The following CMKLR1 variants were observed in gnomAD, a reference collection of about 807,000 sequenced individuals.
CMKLR1 encodes chemerin chemokine-like receptor 1.
Under a neutral mutation model 8.2 loss-of-function variants are expected in CMKLR1, and 6 were observed. The ratio of observed to expected loss-of-function variants is 0.73; its 90% CI spans 0.40 to 1.44. The LOEUF (loss-of-function observed/expected upper bound fraction) is 1.44. Ranked by LOEUF, CMKLR1 falls within the 40% of genes most tolerant of loss-of-function variation. CMKLR1 has a pLI of 0.02. For synonymous variants in CMKLR1, 178 were observed against 181.2 expected (o/e 0.98, Z 0.14); for missense variants, 429 against 478.0 (o/e 0.90, Z 0.96).
intron 2 of CMKLR1, among the ~76,000 whole-genome samples, chr12:108,310,698 G>A (rs1485243346): frequency 6.6e-6 from 1 of 152,168 alleles, no homozygotes; most frequent in East Asian, 1.9e-4. Flanking sequence ...AGGTCACAGA[G>A]AAGGGCCCAT....
At chr12:108,329,779 G>C (rs1465123811) in intron 2 of CMKLR1, among the ~76,000 whole-genome samples, 1 of 152,206 alleles carries the variant, frequency 6.6e-6, no homozygotes, top group Non-Finnish European at 1.5e-5. Context: ...CTAGCACACA[G>C]TTAGTGCTCA....
intron 2 of CMKLR1, among the ~76,000 whole-genome samples, chr12:108,312,331 T>A (rs931256075): frequency 2.0e-5 from 3 of 152,186 alleles, no homozygotes; most frequent in African/African-American, 7.2e-5. Context: ...GCCCCTTTCA[T>A]CACAAGACTG....
intron 2 of CMKLR1, among the ~76,000 whole-genome samples, chr12:108,297,181 C>T (rs1416562617): frequency 6.6e-6 from 1 of 152,202 alleles, no homozygotes; most frequent in Non-Finnish European, 1.5e-5. Flanking sequence ...CCTCAGCCTA[C>T]TCAACATGAA....
chr12:108,293,792 G>C, intron 2 of CMKLR1, 128 bp from the exon 3 acceptor site: 16 of 617,370 alleles, frequency 2.6e-5, no homozygotes, highest in East Asian at 1.1e-4. Context: ...GGAAGCAGAA[G>C]TTCAGAAAGG....
At chr12:108,295,889 G>A (rs962183674) in intron 2 of CMKLR1, among the ~76,000 whole-genome samples, 3 of 152,198 alleles carry the variant, frequency 2.0e-5, no homozygotes, top group Admixed American at 6.5e-5. Context: ...CAGAGGCCAT[G>A]TTTTTTCATC....
Position 108,309,795 on chromosome 12 carries a change from G to A in CMKLR1, c.-73-16131C>T, listed in dbSNP as rs540853219. Among the ~76,000 whole-genome samples, 13 of 152,316 alleles carry A rather than the reference G, an allele frequency of 8.5e-5. No homozygotes were observed. The South Asian group carries it at 2.3e-3, about 27-fold the overall frequency. Reference sequence around the variant, plus strand: ...TGTTCCCTGGGGTAATAAGCCAGTTGCAATTTGCCATTGAGTTTGTCCAGG... The same window carrying A: ...TGTTCCCTGGGGTAATAAGCCAGTTACAATTTGCCATTGAGTTTGTCCAGG... On this transcript the variant is annotated intron_variant, in intron 2 of 3. Transcript: ENST00000550402.
At chr12:108,310,493 C>A (rs528205283) in intron 2 of CMKLR1, among the ~76,000 whole-genome samples, 1 of 152,126 alleles carries the variant, frequency 6.6e-6, no homozygotes, top group African/African-American at 2.4e-5. Context: ...AGGCTCCAGG[C>A]ATCAGGATGT....
intron 2 of CMKLR1, among the ~76,000 whole-genome samples, chr12:108,311,633 G>C (rs778201786): frequency 1.2e-4 from 19 of 152,120 alleles, no homozygotes; most frequent in Middle Eastern, 3.4e-3. Flanking sequence ...CTCCTAAAAA[G>C]AAAAAAAGTG....
chr12:108,298,954 C>G (rs1271026992), intron 2 of CMKLR1, among the ~76,000 whole-genome samples: 1 of 152,220 alleles, frequency 6.6e-6, no homozygotes, highest in Non-Finnish European at 1.5e-5. Flanking sequence ...AGCACAAGGT[C>G]CACGTGTGGG....
At chr12:108,317,681 A>G (rs1891766010) in intron 2 of CMKLR1, among the ~76,000 whole-genome samples, 1 of 152,252 alleles carries the variant, frequency 6.6e-6, no homozygotes, top group Admixed American at 6.5e-5. Flanking sequence ...TATTCACATA[A>G]TAACACTGTT....
At chr12:108,312,311 G>A (rs1028994150) in intron 2 of CMKLR1, among the ~76,000 whole-genome samples, 2 of 152,188 alleles carry the variant, frequency 1.3e-5, no homozygotes, top group Admixed American at 6.5e-5. Context: ...CATCGTGGAT[G>A]GGCTGACAGG....
chr12:108,319,811 ACCT>A (rs1891817308), intron 2 of CMKLR1, among the ~76,000 whole-genome samples: 1 of 151,956 alleles, frequency 6.6e-6, no homozygotes, highest in Admixed American at 6.6e-5. Context: ...CAAAACAAAA[ACCT>A]CCTCTCAGAA....
intron 2 of CMKLR1, among the ~76,000 whole-genome samples, chr12:108,301,105 C>T (rs1462434377): frequency 8.2e-6 from 1 of 121,346 alleles, no homozygotes; most frequent in African/African-American, 3.1e-5. Flanking sequence ...GAGACGAAGT[C>T]TCACTCTGTT....
intron 2 of CMKLR1, among the ~76,000 whole-genome samples, chr12:108,317,463 AG>A (rs1393198741): frequency 6.6e-6 from 1 of 152,132 alleles, no homozygotes; most frequent in East Asian, 1.9e-4. Flanking sequence ...TGGACACTGG[AG>A]GGAGGGGTGG....
In CMKLR1 at chr12:108,292,780, C is replaced by T. The variant is rs1442468312; in HGVS notation, c.183G>A (p.Val61=). The T allele has an allele frequency of 1.2e-6, 2 of 1,614,156 alleles. No individual in the cohort carries two copies. The highest frequency in any genetic ancestry group is 2.2e-5 in the East Asian group (1 of 44,884). The change falls in exon 4 of 4, where the codon GTG becomes GTA. Residue 61 remains valine (V), a synonymous_variant. Transcript: ENST00000550402. ...TCATCTTGAAGGTGGCAATGATGAT[C>T]ACCAGACCATTGCCCAGAATCCCGA... ...CFLGILGNGL[V]IIIATFKMKK...
At chr12:108,320,073 G>A (rs903981970) in intron 2 of CMKLR1, among the ~76,000 whole-genome samples, 1 of 152,242 alleles carries the variant, frequency 6.6e-6, no homozygotes, top group South Asian at 2.1e-4. Flanking sequence ...TGCCAAGTCA[G>A]GGAAGGCTGC....
At chr12:108,327,899 C>G (rs1326027106) in intron 2 of CMKLR1, among the ~76,000 whole-genome samples, 1 of 152,172 alleles carries the variant, frequency 6.6e-6, no homozygotes, top group Non-Finnish European at 1.5e-5. Context: ...CAGAGGCCAG[C>G]CTTCCAGGAC....
chr12:108,306,352 C>T (rs1027089779), intron 2 of CMKLR1, among the ~76,000 whole-genome samples: 1 of 152,016 alleles, frequency 6.6e-6, no homozygotes, highest in African/African-American at 2.4e-5. Context: ...ACTGTCTACC[C>T]TTTTGTCAGT....
intron 2 of CMKLR1, among the ~76,000 whole-genome samples, chr12:108,316,301 G>A (rs934923059): frequency 5.9e-5 from 9 of 152,206 alleles, no homozygotes; most frequent in African/African-American, 1.7e-4. Flanking sequence ...GGGGCTCGGC[G>A]GGATAGGTGA....
Sources: gnomAD v4.1 joint callset for allele counts (sites outside exome capture counted in the v4.1 genomes callset) on GRCh38, gnomAD v4.1.1 for gene constraint, MANE v1.5 for transcripts, NCBI Gene and HGNC (gene_info 2026-07-23, HGNC 2026-07-21) for gene names.